Variants in SCEL observed in about 807,000 individuals in gnomAD.
The protein encoded by SCEL is sciellin.
Under a neutral mutation model 117.6 loss-of-function variants are expected in SCEL, and 113 were observed. That is an observed-to-expected ratio of 0.96 (90% CI 0.83 to 1.12). The LOEUF (loss-of-function observed/expected upper bound fraction) is 1.12. SCEL is among the 50% of genes most tolerant of loss of function. The pLI is 0.00. For missense variants in SCEL, 785 were observed against 810.8 expected (o/e 0.97, Z 0.39); for synonymous variants, 270 against 256.2 (o/e 1.05, Z -0.51).
intron 22 of SCEL, among the ~76,000 whole-genome samples, chr13:77,612,258 A>G (rs561267519): frequency 1.3e-5 from 2 of 152,252 alleles, no homozygotes; most frequent in South Asian, 4.2e-4. Context: ...ATCTCTGTAG[A>G]GCTATGAATG....
chr13:77,594,012 TCC>T (rs2087072678), intron 12 of SCEL, among the ~76,000 whole-genome samples: 1 of 151,610 alleles, frequency 6.6e-6, no homozygotes, highest in South Asian at 2.1e-4. Context: ...TTCTTCCTTC[TCC>T]TTCCCCTTCC....
chr13:77,572,577 G>T (rs1454658448), intron 9 of SCEL, among the ~76,000 whole-genome samples: 1 of 152,122 alleles, frequency 6.6e-6, no homozygotes, highest in Non-Finnish European at 1.5e-5. Flanking sequence ...TCCTTCTGAG[G>T]ACTGTTAGGG....
rs939775318 is a variant in SCEL, at chr13:77,603,117, G to C, written c.1079G>C (p.Gly360Ala). Residue 360 changes from glycine to alanine, a missense_variant, in exon 18 of 33, where the codon GGA becomes GCA. Coordinates refer to ENST00000349847, the MANE Select transcript of SCEL (RefSeq NM_144777.3). ...AATGCTACTGAAGTAAATCCCAAAG[G>C]ACATGAAAATACCACTGGGTAAAAA... The part of the protein sequence containing the change: ...LDNATEVNPK[G>A]HENTTGKKDL... 6.4e-7 allele frequency: 1 copy of C among 1,563,792 alleles called. No homozygotes were observed. Among genetic ancestry groups the C allele is most frequent in the Non-Finnish European group, 8.7e-7 (1 of 1,152,822 alleles).
chr13:77,639,248 A>T (rs890842512), intron 30 of SCEL, among the ~76,000 whole-genome samples: 1 of 152,198 alleles, frequency 6.6e-6, no homozygotes, highest in Non-Finnish European at 1.5e-5. Flanking sequence ...AAGTGTATGC[A>T]TACATATGTG....
chr13:77,546,613 G>A (rs953389297), intron 1 of SCEL, among the ~76,000 whole-genome samples: 1 of 151,744 alleles, frequency 6.6e-6, no homozygotes, highest in African/African-American at 2.4e-5. Flanking sequence ...TCAACTTTTG[G>A]ACCTTCTATT....
intron 27 of SCEL, among the ~76,000 whole-genome samples, chr13:77,622,253 G>A (rs2089463641): frequency 6.6e-6 from 1 of 152,188 alleles, no homozygotes; most frequent in South Asian, 2.1e-4. Flanking sequence ...ACTGTATGGT[G>A]AGAAACATAT....
At chr13:77,575,994 G>A (rs628127) in intron 9 of SCEL, among the ~76,000 whole-genome samples, 27,377 of 151,990 alleles carry the variant, frequency 0.18, 2,825 homozygotes, top group African/African-American at 0.27. Flanking sequence ...CTGCTTCACT[G>A]GTTTCCCCAT....
At chr13:77,585,100 C>G (rs185310331) in intron 9 of SCEL, among the ~76,000 whole-genome samples, 1 of 152,342 alleles carries the variant, frequency 6.6e-6, no homozygotes, top group African/African-American at 2.4e-5. Context: ...CCCATTTCCT[C>G]CCTGCCAAAG....
At chr13:77,634,792 C>A (rs2154406572) in intron 29 of SCEL, among the ~76,000 whole-genome samples, 1 of 152,202 alleles carries the variant, frequency 6.6e-6, no homozygotes, top group South Asian at 2.1e-4. Context: ...ATTTGGAGTT[C>A]CACTTGAATT....
At chr13:77,537,340 G>A (rs951098895) in intron 1 of SCEL, among the ~76,000 whole-genome samples, 5 of 152,164 alleles carry the variant, frequency 3.3e-5, no homozygotes, top group African/African-American at 9.7e-5. Flanking sequence ...AGCAGAACCA[G>A]AGCACGATGC....
At chr13:77,612,591 ATAT>A (rs1237460487) in intron 22 of SCEL, among the ~76,000 whole-genome samples, 1 of 151,122 alleles carries the variant, frequency 6.6e-6, no homozygotes, top group Non-Finnish European at 1.5e-5. Context: ...CCTCCAGAAA[ATAT>A]TATAAATGGT....
intron 17 of SCEL, 54 bp downstream of exon 17, chr13:77,602,767 A>G (rs1399822394): frequency 2.0e-6 from 3 of 1,486,094 alleles, no homozygotes; most frequent in Non-Finnish European, 2.8e-6. Flanking sequence ...CATATTAATT[A>G]TGTGATATTG....
At chr13:77,638,987 C>T (rs1333790513) in intron 30 of SCEL, among the ~76,000 whole-genome samples, 2 of 152,120 alleles carry the variant, frequency 1.3e-5, no homozygotes, top group Non-Finnish European at 2.9e-5. Flanking sequence ...TAGTGGTTCT[C>T]TTGGCTCTGT....
chr13:77,563,172 G>T (rs1476750012), intron 4 of SCEL, among the ~76,000 whole-genome samples: 2 of 151,094 alleles, frequency 1.3e-5, no homozygotes, highest in African/African-American at 4.9e-5. Flanking sequence ...CTTTGCCCTT[G>T]TCTCTCCTCT....
At chr13:77,633,401 A>T (rs371616882) in intron 28 of SCEL, among the ~76,000 whole-genome samples, 1 of 129,144 alleles carries the variant, frequency 7.7e-6, no homozygotes, top group East Asian at 2.8e-4. Flanking sequence ...GCGCCACTGC[A>T]GTCCGCAGTC....
At chr13:77,542,602 C>T (rs781064799) in intron 1 of SCEL, among the ~76,000 whole-genome samples, 1 of 152,150 alleles carries the variant, frequency 6.6e-6, no homozygotes, top group Non-Finnish European at 1.5e-5. Flanking sequence ...CTTTCCCAGC[C>T]TGATGATTTT....
In SCEL at chr13:77,636,979, A is replaced by G. The variant is rs74518970; in HGVS notation, c.1764-141A>G. The G allele has an allele frequency of 6.9e-3, 3,099 of 450,792 alleles. 63 individuals carry two copies. Among genetic ancestry groups the G allele is most frequent in the African/African-American group, 0.051 (2,381 of 46,550 alleles). 27.9% of individuals were successfully genotyped at this position (450,792 alleles called of 1,614,324 possible). On this transcript the variant is annotated intron_variant, in intron 29 of 32. Coordinates refer to ENST00000349847, the MANE Select transcript of SCEL (RefSeq NM_144777.3). Reference sequence around the variant, plus strand: ...TATCAATATTTCTACAGATTAAAAAAATGTGTCAGTACATCATCCTGGCTT... The same window carrying G: ...TATCAATATTTCTACAGATTAAAAAGATGTGTCAGTACATCATCCTGGCTT...
At chr13:77,576,106 A>G (rs2085926882) in intron 9 of SCEL, among the ~76,000 whole-genome samples, 1 of 151,962 alleles carries the variant, frequency 6.6e-6, no homozygotes, top group Non-Finnish European at 1.5e-5. Context: ...CTCTCTTTCC[A>G]TCTCAGCCAA....
At chr13:77,572,455 TG>T (rs2085694557) in intron 9 of SCEL, among the ~76,000 whole-genome samples, 1 of 152,170 alleles carries the variant, frequency 6.6e-6, no homozygotes, top group Non-Finnish European at 1.5e-5. Flanking sequence ...TGCCACAAAC[TG>T]GGTGCCACAG....
Sources: allele counts gnomAD v4.1 joint callset (sites outside exome capture counted in the v4.1 genomes callset), GRCh38; gene constraint gnomAD v4.1.1; transcripts MANE v1.5; gene names NCBI Gene and HGNC (gene_info 2026-07-23, HGNC 2026-07-21).